ACP1: variants seen among roughly 807,000 people sequenced by gnomAD.
ACP1 encodes low molecular weight phosphotyrosine protein phosphatase.
A neutral mutation model predicts 23.4 loss-of-function variants in ACP1; 23 were observed. That is an observed-to-expected ratio of 0.98 (90% confidence interval 0.71 to 1.39). ACP1 has a LOEUF of 1.39. Ranked by LOEUF, ACP1 falls within the 40% of genes most tolerant of loss-of-function variation. ACP1 has a pLI of 0.00. For missense variants in ACP1, 180 were observed against 197.7 expected, an observed-to-expected ratio of 0.91 and a Z score of 0.54; for synonymous variants, 72 against 67.2, an observed-to-expected ratio of 1.07 and a Z score of -0.35.
chr2:275,015 TTTAA>T lies in ACP1; in HGVS notation c.232-122_232-119del, dbSNP rs200245610. The T allele has an allele frequency of 3.7e-3, 1,539 of 413,000 alleles. 18 individuals are homozygous for T. Among genetic ancestry groups the T allele is most frequent in the African/African-American group, 0.028 (1,363 of 49,164 alleles). 25.6% of individuals were successfully genotyped at this position (413,000 alleles called of 1,614,324 possible). A position where few individuals can be genotyped will look rare whatever the true frequency, so the allele number is the denominator to read the frequency against. ...TAACTTAAAAGTACCCTAAAAATTA[TTTAA>T]TTGTTTATTAGTGAGTAACAGGCTC... On this transcript the variant is annotated intron_variant, in intron 3 of 5. Transcript: ENST00000272065.
intron 1 of ACP1, among the ~76,000 whole-genome samples, chr2:267,345 G>A (rs1266153747): frequency 6.6e-6 from 1 of 152,178 alleles, no homozygotes; most frequent in Non-Finnish European, 1.5e-5. Context: ...TCACCAGCAA[G>A]TATTAATTGA....
chr2:276,682 A>C (rs547258523), intron 4 of ACP1, among the ~76,000 whole-genome samples: 2 of 152,264 alleles, frequency 1.3e-5, no homozygotes, highest in South Asian at 4.1e-4. Flanking sequence ...TATGACCTTT[A>C]TCTCTGAAAC....
chr2:267,973 C>T (rs1669932614), intron 1 of ACP1, among the ~76,000 whole-genome samples: 1 of 152,146 alleles, frequency 6.6e-6, no homozygotes, highest in Non-Finnish European at 1.5e-5. Context: ...TTTTTTCCAA[C>T]TACTCAACAA....
intron 1 of ACP1, chr2:265,317 C>G (rs906028430): frequency 2.9e-6 from 1 of 347,802 alleles, no homozygotes; most frequent in African/African-American, 2.2e-5. Context: ...TCTCGTTCCC[C>G]TCCAATGGGC....
At chr2:267,881 T>C (rs1042477728) in intron 1 of ACP1, among the ~76,000 whole-genome samples, 5 of 152,274 alleles carry the variant, frequency 3.3e-5, no homozygotes, top group Non-Finnish European at 7.3e-5. Flanking sequence ...GGCTGTGTTC[T>C]AGTGGATCTT....
intron 3 of ACP1, chr2:272,706 G>A: frequency 8.6e-6 from 2 of 233,806 alleles, no homozygotes; most frequent in Non-Finnish European, 8.3e-6. Flanking sequence ...AAGTGCCTTA[G>A]TAATATAGGG....
At chr2:266,815 A>G (rs887722102) in intron 1 of ACP1, among the ~76,000 whole-genome samples, 1 of 152,064 alleles carries the variant, frequency 6.6e-6, no homozygotes, top group Non-Finnish European at 1.5e-5. Context: ...TTTCCATAAG[A>G]AGTCAAAAAC....
intron 3 of ACP1, chr2:272,719 A>G (rs1448590377): frequency 4.7e-6 from 1 of 210,880 alleles, no homozygotes; most frequent in Non-Finnish European, 9.5e-6. Flanking sequence ...ATATAGGGTA[A>G]TACCAGCAAC....
At position 275,214 on chromosome 2, in the gene ACP1, T is replaced by G; in HGVS notation, c.293+13T>G. The G allele has an allele frequency of 6.8e-7, 1 of 1,468,838 alleles. No individual in the cohort carries two copies. 91.0% of individuals were successfully genotyped at this position (1,468,838 alleles called of 1,614,324 possible). On this transcript the variant is annotated intron_variant, in intron 4 of 5. Transcript: ENST00000272065. ...AAAGCAATCTGAGGTAATCCTGTTT[T>G]TGAAGAATATTTCTGTTCAACTCTC...
chr2:270,755 TTGA>T (rs1396266098), intron 1 of ACP1, among the ~76,000 whole-genome samples: 1 of 152,138 alleles, frequency 6.6e-6, no homozygotes, highest in Non-Finnish European at 1.5e-5. Context: ...TTGTCTCATG[TTGA>T]TGACAGGAGA....
At chr2:266,909 G>A (rs958548947) in intron 1 of ACP1, among the ~76,000 whole-genome samples, 10 of 151,904 alleles carry the variant, frequency 6.6e-5, no homozygotes, top group African/African-American at 2.4e-4. Context: ...TATGATTTCG[G>A]GCCATTATTA....
Position 277,425 on chromosome 2 carries a change from ACT to A in ACP1, c.*122_*123del. On this transcript the variant is annotated 3_prime_UTR_variant, in exon 6 of 6. Transcript: ENST00000272065. ...GCCCAGCTCTTTGTTCAGTTGACTT[ACT>A]GTTTCTTACCTTAAAAAGTAATTGT... The A allele has an allele frequency of 1.2e-6, 1 of 812,196 alleles. No individual in the cohort carries two copies. The highest frequency in any genetic ancestry group is 1.5e-5 in the South Asian group (1 of 68,884). The allele number at this position is 812,196 out of a possible 1,614,324, so 50.3% of individuals were successfully genotyped here.
At chr2:271,157 A>G (rs1239365770) in intron 1 of ACP1, among the ~76,000 whole-genome samples, 1 of 152,140 alleles carries the variant, frequency 6.6e-6, no homozygotes, top group African/African-American at 2.4e-5. Context: ...GCTTAAATGC[A>G]TGTTTGTGTG....
chr2:277,420 G>C lies in ACP1; in HGVS notation c.*116G>C. On this transcript the variant is annotated 3_prime_UTR_variant, in exon 6 of 6. Coordinates refer to ENST00000272065, the MANE Select transcript of ACP1 (RefSeq NM_004300.4). ...CCAAAGCCCAGCTCTTTGTTCAGTTGACTTACTGTTTCTTACCTTAAAAAG... is the reference window on the plus strand; with the variant it reads ...CCAAAGCCCAGCTCTTTGTTCAGTTCACTTACTGTTTCTTACCTTAAAAAG... 1.1e-6 allele frequency: 1 copy of C among 874,270 alleles called. No homozygotes were observed. Among genetic ancestry groups the C allele is most frequent in the South Asian group, 1.4e-5 (1 of 72,524 alleles). 54.2% of individuals were successfully genotyped at this position (874,270 alleles called of 1,614,324 possible).
intron 1 of ACP1, among the ~76,000 whole-genome samples, chr2:270,451 A>C (rs1423982651): frequency 6.6e-6 from 1 of 151,956 alleles, no homozygotes; most frequent in African/African-American, 2.4e-5. Context: ...GTCCATTAAG[A>C]TCCTGATCAT....
At chr2:272,588 C>A in intron 3 of ACP1, 1 of 847,388 alleles carries the variant, frequency 1.2e-6, no homozygotes, top group Non-Finnish European at 1.7e-6. Context: ...TTCCTTCCTG[C>A]ATAATTTTTA....
chr2:271,431 G>A (rs954816333), intron 1 of ACP1, among the ~76,000 whole-genome samples: 6 of 152,144 alleles, frequency 3.9e-5, no homozygotes, highest in Admixed American at 2.0e-4. Flanking sequence ...TACTGGGTAG[G>A]GGTGGGAGGG....
At chr2:277,167 T>C in intron 5 of ACP1, 60 bp from the exon 6 acceptor site, 12 of 1,590,340 alleles carry the variant, frequency 7.5e-6, no homozygotes, top group Non-Finnish European at 1.0e-5. Context: ...GATGAGATTG[T>C]GTTAAGGATG....
chr2:268,641 T>C (rs1669953105), intron 1 of ACP1, among the ~76,000 whole-genome samples: 1 of 152,078 alleles, frequency 6.6e-6, no homozygotes, highest in South Asian at 2.1e-4. Context: ...CTTTTATGAG[T>C]CTCCATCCTT....
Sources: gnomAD v4.1 joint callset for allele counts (sites outside exome capture counted in the v4.1 genomes callset) on GRCh38, gnomAD v4.1.1 for gene constraint, MANE v1.5 for transcripts, NCBI Gene and HGNC (gene_info 2026-07-23, HGNC 2026-07-21) for gene names.